The following ZYG11B variants were observed in gnomAD, a reference collection of about 807,000 sequenced individuals.
ZYG11B encodes the protein protein zyg-11 homolog B.
Under a neutral mutation model 82.4 loss-of-function variants are expected in ZYG11B, and 36 were observed. The ratio of observed to expected loss-of-function variants is 0.44; its 90% CI spans 0.33 to 0.58. The LOEUF (loss-of-function observed/expected upper bound fraction) is 0.58, where lower values mean the gene tolerates loss of function less well. ZYG11B is among the 20% of genes least tolerant of loss of function. ZYG11B has a pLI of 0.02. For synonymous variants in ZYG11B, 303 were observed against 312.8 expected, an observed-to-expected ratio of 0.97 and a Z score of 0.33; for missense variants, 552 against 895.6, an observed-to-expected ratio of 0.62 and a Z score of 4.90.
chr1:52,765,078 A>C (rs1369815935), intron 2 of ZYG11B, among the ~76,000 whole-genome samples: 3 of 151,570 alleles, frequency 2.0e-5, no homozygotes, highest in Admixed American at 2.0e-4. Context: ...ATAGAGATGG[A>C]GTCGCACTAT....
Position 52,811,865 on chromosome 1 carries a change from C to T in ZYG11B, c.1696-1671C>T, listed in dbSNP as rs190719209. Among the ~76,000 whole-genome samples, 447 of 152,180 alleles carry T rather than the reference C, an allele frequency of 2.9e-3. 3 individuals are homozygous for T. Among genetic ancestry groups the T allele is most frequent in the Non-Finnish European group, 2.1e-3 (146 of 68,002 alleles). ...CTAACATGGTGAAACCCCGTCTCTA[C>T]TAAAAATACAAAAAAATTAGCCAGG... On this transcript the variant is annotated intron_variant, in intron 10 of 13. Coordinates refer to ENST00000294353, the MANE Select transcript of ZYG11B (RefSeq NM_024646.3).
intron 1 of ZYG11B, among the ~76,000 whole-genome samples, chr1:52,728,861 A>AT (rs55730485): frequency 4.1e-4 from 61 of 149,328 alleles, no homozygotes; most frequent in Middle Eastern, 3.4e-3. Context: ...CCTCACAGGG[A>AT]TTTTTTTTTT....
chr1:52,751,332 TAA>T (rs201206768), intron 1 of ZYG11B, among the ~76,000 whole-genome samples: 69,452 of 141,126 alleles, frequency 0.49, 17,115 homozygotes, highest in East Asian at 0.61. Flanking sequence ...ATGATATAGT[TAA>T]AAAAAAAAAA....
At chr1:52,749,667 G>A (rs1276376457) in intron 1 of ZYG11B, among the ~76,000 whole-genome samples, 4 of 151,844 alleles carry the variant, frequency 2.6e-5, no homozygotes, top group Non-Finnish European at 4.4e-5. Flanking sequence ...GCAATGGTGC[G>A]ATCTTGGCTC....
intron 5 of ZYG11B, 104 bp from the exon 6 acceptor site, chr1:52,789,899 T>A: frequency 1.3e-6 from 1 of 753,550 alleles, no homozygotes. Context: ...ATAACTGGTG[T>A]TTCATCAGTC....
intron 4 of ZYG11B, among the ~76,000 whole-genome samples, chr1:52,781,931 T>C (rs1644860032): frequency 6.9e-6 from 1 of 144,908 alleles, no homozygotes; most frequent in Non-Finnish European, 1.5e-5. Context: ...ATGAATTGTC[T>C]TTTTTTTTTT....
At chr1:52,772,636 G>C (rs1338400338) in intron 3 of ZYG11B, 4 of 953,882 alleles carry the variant, frequency 4.2e-6, no homozygotes, top group Non-Finnish European at 6.9e-6. Context: ...TCAGGAGCAC[G>C]CATACGACCC....
intron 5 of ZYG11B, 35 bp downstream of exon 5, chr1:52,785,088 T>C: frequency 1.3e-6 from 2 of 1,599,080 alleles, no homozygotes; most frequent in Non-Finnish European, 1.7e-6. Context: ...AAATAGTCCT[T>C]GTAGTGTCTT....
At chr1:52,814,649 A>C (rs1303501905) in intron 12 of ZYG11B, among the ~76,000 whole-genome samples, 1 of 152,106 alleles carries the variant, frequency 6.6e-6, no homozygotes, top group African/African-American at 2.4e-5. Flanking sequence ...GCAGTGAGTT[A>C]TGATTGCATC....
intron 1 of ZYG11B, among the ~76,000 whole-genome samples, chr1:52,739,016 G>A (rs1213786949): frequency 1.5e-4 from 17 of 115,182 alleles, no homozygotes; most frequent in African/African-American, 6.7e-4. Flanking sequence ...GAGTCTCACT[G>A]TATCACCCAG....
chr1:52,774,796 A>G (rs1644790383), intron 3 of ZYG11B, among the ~76,000 whole-genome samples: 1 of 151,064 alleles, frequency 6.6e-6, no homozygotes, highest in Non-Finnish European at 1.5e-5. Context: ...TCTTCTCACT[A>G]TTTCCCTACT....
intron 5 of ZYG11B, among the ~76,000 whole-genome samples, chr1:52,786,356 T>A (rs1249164424): frequency 6.6e-6 from 1 of 152,238 alleles, no homozygotes; most frequent in Non-Finnish European, 1.5e-5. Context: ...CACAACTCTG[T>A]GACTCTACTA....
intron 10 of ZYG11B, among the ~76,000 whole-genome samples, chr1:52,812,122 T>A (rs1645189116): frequency 6.6e-6 from 1 of 152,222 alleles, no homozygotes; most frequent in African/African-American, 2.4e-5. Context: ...TTATAATAGC[T>A]GCTTTAAGTC....
At chr1:52,786,970 A>C (rs1274590755) in intron 5 of ZYG11B, among the ~76,000 whole-genome samples, 2 of 152,052 alleles carry the variant, frequency 1.3e-5, no homozygotes, top group East Asian at 3.9e-4. Context: ...CATGCTTATA[A>C]TCCCAGCTAC....
In ZYG11B at chr1:52,803,117, TAC is replaced by T. The variant is rs1172652923; in HGVS notation, c.1695+984_1695+985del. 6.9e-3 allele frequency among the ~76,000 whole-genome samples: 175 copies of T among 25,202 alleles called. 8 individuals are homozygous for T. The highest frequency in any genetic ancestry group is 0.019 in the Middle Eastern group (1 of 54). The allele number at this position is 25,202 out of a possible 152,430, so 16.5% of individuals were successfully genotyped here. A position where few individuals can be genotyped will look rare whatever the true frequency, so the allele number is the denominator to read the frequency against. ...ATATATACATATATATATATATATA[TAC>T]ACACATATATATATACACACATATA... On this transcript the variant is annotated intron_variant, in intron 10 of 13. Transcript: ENST00000294353.
At chr1:52,728,759 T>C (rs1156803460) in intron 1 of ZYG11B, among the ~76,000 whole-genome samples, 18 of 152,118 alleles carry the variant, frequency 1.2e-4, no homozygotes, top group Admixed American at 6.6e-5. Flanking sequence ...TCCTTTGAGC[T>C]GGGCCTGAAA....
intron 10 of ZYG11B, among the ~76,000 whole-genome samples, chr1:52,811,492 G>A (rs1290056500): frequency 1.3e-5 from 2 of 152,120 alleles, no homozygotes; most frequent in African/African-American, 2.4e-5. Flanking sequence ...TGTGAATAGA[G>A]ACAGGGTCTC....
intron 1 of ZYG11B, among the ~76,000 whole-genome samples, chr1:52,730,538 AG>A (rs2149916061): frequency 6.6e-6 from 1 of 152,288 alleles, no homozygotes; most frequent in East Asian, 1.9e-4. Context: ...TGTGTTGGCC[AG>A]GCTGGTACCA....
intron 1 of ZYG11B, among the ~76,000 whole-genome samples, chr1:52,729,165 G>A (rs1558113090): frequency 6.6e-6 from 1 of 152,134 alleles, no homozygotes; most frequent in African/African-American, 2.4e-5. Flanking sequence ...TTCACACATG[G>A]TGGCAGGGGC....
Sources: allele counts gnomAD v4.1 joint callset (sites outside exome capture counted in the v4.1 genomes callset), GRCh38; gene constraint gnomAD v4.1.1; transcripts MANE v1.5; gene names NCBI Gene and HGNC (gene_info 2026-07-23, HGNC 2026-07-21).